ADCY1: variants seen among roughly 807,000 people sequenced by gnomAD.
The protein encoded by ADCY1 is adenylate cyclase 1.
ADCY1 carries 28 observed loss-of-function variants against 105.4 expected under a neutral mutation model. The observed-to-expected ratio is 0.27, with a 90% CI of 0.20 to 0.36. The LOEUF (loss-of-function observed/expected upper bound fraction) is 0.36. Ranked by LOEUF, ADCY1 falls within the 10% of genes least tolerant of loss-of-function variation. The probability of loss-of-function intolerance (pLI) is 1.00; values close to 1 mark genes in which losing one functional copy is unlikely to be tolerated. For missense variants in ADCY1, 977 were observed against 1,434.2 expected (o/e 0.68, Z 5.15); for synonymous variants, 655 against 623.8 (o/e 1.05, Z -0.75).
In ADCY1 at chr7:45,708,618, G is replaced by A. The variant is rs1785168292; in HGVS notation, c.2932+154G>A. On this transcript the variant is annotated intron_variant, in intron 18 of 19. Transcript: ENST00000297323. This position sits in a 1 kb window ranked among gnomAD's most constrained non-coding sequence, Gnocchi z 4.7. ...GGGACCTGTGTACCGAGTTGCCCCT[G>A]GAAGCTGCTGGTGGAAGGTGAAGAT... is the stretch of plus-strand genomic sequence containing the variant. 6.6e-6 allele frequency among the ~76,000 whole-genome samples: 1 copy of A among 152,182 alleles called. No individual in the cohort carries two copies. Among genetic ancestry groups the A allele is most frequent in the Non-Finnish European group, 1.5e-5 (1 of 68,036 alleles).
intron 4 of ADCY1, among the ~76,000 whole-genome samples, chr7:45,642,117 A>G (rs535897068): frequency 2.0e-5 from 3 of 152,216 alleles, no homozygotes; most frequent in African/African-American, 7.2e-5. Flanking sequence ...GAGGGCATGC[A>G]TGCCATGCCA....
intron 8 of ADCY1, among the ~76,000 whole-genome samples, chr7:45,672,992 A>C (rs2116167201): frequency 6.6e-6 from 1 of 152,188 alleles, no homozygotes; most frequent in Non-Finnish European, 1.5e-5. Context: ...CTCAATTCCT[A>C]GTTTTCTGAT....
At chr7:45,598,973 C>G (rs1401803562) in intron 2 of ADCY1, among the ~76,000 whole-genome samples, 1 of 152,140 alleles carries the variant, frequency 6.6e-6, no homozygotes, top group Non-Finnish European at 1.5e-5. Context: ...ATTGGGTGGG[C>G]GTCAGGTGGA....
chr7:45,601,225 T>G (rs1281617918), intron 2 of ADCY1, among the ~76,000 whole-genome samples: 1 of 152,118 alleles, frequency 6.6e-6, no homozygotes, highest in African/African-American at 2.4e-5. Context: ...GGACGGTCCC[T>G]TCCTGCTGGG....
intron 14 of ADCY1, among the ~76,000 whole-genome samples, chr7:45,702,102 C>A (rs2116255492): frequency 6.6e-6 from 1 of 152,358 alleles, no homozygotes; most frequent in South Asian, 2.1e-4. Context: ...GCCTCGTCAT[C>A]TCTATCCTTA....
At chr7:45,699,956 G>T (rs974800680) in intron 14 of ADCY1, among the ~76,000 whole-genome samples, 9 of 152,126 alleles carry the variant, frequency 5.9e-5, no homozygotes, top group African/African-American at 2.2e-4. Context: ...GGCCACTGAG[G>T]GTCCAGCCAG....
chr7:45,599,363 G>T (rs1431114030), intron 2 of ADCY1, among the ~76,000 whole-genome samples: 2 of 151,562 alleles, frequency 1.3e-5, no homozygotes, highest in Non-Finnish European at 2.9e-5. Context: ...AGCCCACTGG[G>T]TTCTTCAGTC....
intron 4 of ADCY1, among the ~76,000 whole-genome samples, chr7:45,637,640 G>A (rs930601182): frequency 6.6e-6 from 1 of 152,104 alleles, no homozygotes; most frequent in African/African-American, 2.4e-5. Flanking sequence ...CAGGAGGATC[G>A]CTTGAGCCCA....
intron 14 of ADCY1, among the ~76,000 whole-genome samples, chr7:45,688,329 G>A (rs1784727335): frequency 6.6e-6 from 1 of 152,218 alleles, no homozygotes; most frequent in Non-Finnish European, 1.5e-5. Context: ...CGGGCCTTGT[G>A]CAAAGTAGGT....
intron 3 of ADCY1, among the ~76,000 whole-genome samples, chr7:45,617,194 C>A (rs1793761638): frequency 6.6e-6 from 1 of 152,204 alleles, no homozygotes; most frequent in Non-Finnish European, 1.5e-5. Context: ...GGGCTATTTG[C>A]TTGTGGAACT....
At chr7:45,677,511 C>T (rs1784478442) in intron 8 of ADCY1, among the ~76,000 whole-genome samples, 1 of 152,160 alleles carries the variant, frequency 6.6e-6, no homozygotes, top group African/African-American at 2.4e-5. Flanking sequence ...GACTCCTGCT[C>T]TTGTAACTCT....
At chr7:45,589,200 G>A (rs983184417) in intron 1 of ADCY1, among the ~76,000 whole-genome samples, 1 of 152,186 alleles carries the variant, frequency 6.6e-6, no homozygotes, top group Non-Finnish European at 1.5e-5. Context: ...TGGGATGAGG[G>A]CCCGAGAGGG....
chr7:45,703,392 A>C lies in ADCY1; in HGVS notation c.2471A>C (p.Glu824Ala), dbSNP rs545983943. The change falls in exon 15 of 20, where the codon GAG becomes GCG. Residue 824 changes from glutamate (E) to alanine (A), a missense_variant. By Grantham distance (107) the Glu-to-Ala change is moderately radical (BLOSUM62 -1). Around this residue, in one of 7 missense-constraint regions of ADCY1, gnomAD observed 152 missense variants for 293.7 expected, o/e 0.52. Coordinates refer to ENST00000297323, the MANE Select transcript of ADCY1 (RefSeq NM_021116.4). This position sits in a 1 kb window ranked among gnomAD's most constrained non-coding sequence, Gnocchi z 5.9. The part of the protein sequence containing the change: ...LWAAQAEEER[E>A]DMEKVKLDNR... ...ATACCCCAGGCAGAGGAGGAGCGAG[A>C]GGACATGGAGAAGGTGAAGCTGGAC... 3.8e-5 allele frequency: 62 copies of C among 1,613,924 alleles called. No homozygotes were observed. The highest frequency in any genetic ancestry group is 6.7e-5 in the Admixed American group (4 of 59,992).
chr7:45,661,970 C>T, intron 7 of ADCY1, 89 bp from the exon 8 acceptor site: 1 of 1,482,140 alleles, frequency 6.7e-7, no homozygotes, highest in Non-Finnish European at 9.2e-7. Context: ...CCTGGGGTGG[C>T]TGTGTTTGTC....
At chr7:45,625,615 G>T (rs111453255) in intron 4 of ADCY1, among the ~76,000 whole-genome samples, 60 of 151,906 alleles carry the variant, frequency 3.9e-4, no homozygotes, top group African/African-American at 1.5e-3. Flanking sequence ...GTGCTTACAT[G>T]AACACACGTG....
At chr7:45,622,565 T>C in intron 3 of ADCY1, 67 bp from the exon 4 acceptor site, 1 of 1,133,540 alleles carries the variant, frequency 8.8e-7, no homozygotes, top group South Asian at 1.3e-5. Flanking sequence ...TAAACATCTG[T>C]ACATCTCTAG....
chr7:45,676,024 C>T (rs1306210479), intron 8 of ADCY1, among the ~76,000 whole-genome samples: 2 of 151,426 alleles, frequency 1.3e-5, no homozygotes, highest in Non-Finnish European at 2.9e-5. Flanking sequence ...CATTTTAGTT[C>T]CACAGTTCCA....
At chr7:45,592,592 A>C (rs113821853) in intron 1 of ADCY1, among the ~76,000 whole-genome samples, 167 bp from the exon 2 acceptor site, 3 of 152,174 alleles carry the variant, frequency 2.0e-5, no homozygotes, top group African/African-American at 7.2e-5. Context: ...CAGGGTGAGG[A>C]CGAGCTCCTG....
Position 45,577,806 on chromosome 7 carries a change from C to T in ADCY1, c.639+2624C>T, listed in dbSNP as rs115342333. Among the ~76,000 whole-genome samples the T allele has an allele frequency of 2.8e-3, 430 of 152,338 alleles. 5 individuals are homozygous for T. The highest frequency in any genetic ancestry group is 0.01 in the African/African-American group (420 of 41,584). ...TGCTGAGCCCAGTGAGTTCCAGAGT[C>T]GGGTTAACTCCATGGGGCAAAGGAG... is the stretch of plus-strand genomic sequence containing the variant. On this transcript the variant is annotated intron_variant, in intron 1 of 19. Coordinates refer to ENST00000297323, the MANE Select transcript of ADCY1 (RefSeq NM_021116.4).
Sources: allele counts gnomAD v4.1 joint callset (sites outside exome capture counted in the v4.1 genomes callset), GRCh38; gene constraint gnomAD v4.1.1; regional missense constraint gnomAD v4.1.1; non-coding constraint Gnocchi (gnomAD v3.1); transcripts MANE v1.5; gene names NCBI Gene and HGNC (gene_info 2026-07-23, HGNC 2026-07-21).